The following TMEFF1 variants were observed in gnomAD, a reference collection of about 807,000 sequenced individuals.
TMEFF1 encodes transmembrane protein with EGF like and two follistatin like domains 1.
TMEFF1 carries 20 observed loss-of-function variants against 47.5 expected under a neutral mutation model. That is an observed-to-expected ratio of 0.42 (90% confidence interval 0.30 to 0.61). The LOEUF (loss-of-function observed/expected upper bound fraction) is 0.61, where lower values mean the gene tolerates loss of function less well. Ranked by LOEUF, TMEFF1 falls within the 20% of genes least tolerant of loss-of-function variation. The pLI is 0.19. For missense variants in TMEFF1, 411 were observed against 471.1 expected (o/e 0.87, Z 1.18); for synonymous variants, 162 against 166.3 (o/e 0.97, Z 0.20).
chr9:100,475,242 C>T (rs1270690048), intron 1 of TMEFF1, among the ~76,000 whole-genome samples: 1 of 151,984 alleles, frequency 6.6e-6, no homozygotes. Flanking sequence ...GCCTTTGGCC[C>T]GCTATTTAGG....
At position 100,561,440 on chromosome 9, in the gene TMEFF1, G is replaced by A; in HGVS notation, c.819G>A (p.Met273Ile). 6.2e-7 allele frequency: 1 copy of A among 1,613,862 alleles called. No individual in the cohort carries two copies. Among genetic ancestry groups the A allele is most frequent in the Non-Finnish European group, 8.5e-7 (1 of 1,179,854 alleles). ...QREDVYIGNH[M>I]PCPENLNGYC... is the part of the protein sequence containing the mutation. ...AAGATGTTTATATTGGAAACCACATGCCTTGCCCTGAAAACCTCAATGGTT... is the reference window on the plus strand; with the variant it reads ...AAGATGTTTATATTGGAAACCACATACCTTGCCCTGAAAACCTCAATGGTT... Residue 273 changes from methionine to isoleucine, a missense_variant, in exon 8 of 10, where the codon ATG (methionine) becomes ATA (isoleucine). Physicochemically the swap from Met to Ile is conservative, Grantham distance 10. Transcript: ENST00000374879.
chr9:100,508,902 T>C (rs11793359), intron 2 of TMEFF1, 103 bp from the exon 3 acceptor site: 38,214 of 1,285,816 alleles, frequency 0.03, 643 homozygotes, highest in Middle Eastern at 0.043. Flanking sequence ...GACTATTCAG[T>C]AGCGAAGTAT....
At chr9:100,487,891 A>G (rs1175852951) in intron 1 of TMEFF1, among the ~76,000 whole-genome samples, 1 of 152,058 alleles carries the variant, frequency 6.6e-6, no homozygotes, top group African/African-American at 2.4e-5. Context: ...TTTCTAATGC[A>G]CCAGAATTTT....
Position 100,565,444 on chromosome 9 carries a change from C to T in TMEFF1, c.899+3924C>T, listed in dbSNP as rs568197257. 6.6e-5 allele frequency among the ~76,000 whole-genome samples: 10 copies of T among 152,316 alleles called. No homozygotes were observed. The South Asian group carries it at 1.7e-3, about 25-fold the overall frequency. ...TCCACCCACTGCATACCTATACATG[C>T]AGTTGATCATGGCTGTCGGTGAAAA... On this transcript the variant is annotated intron_variant, in intron 8 of 9. Transcript: ENST00000374879.
At chr9:100,557,934 A>G (rs1838946107) in intron 7 of TMEFF1, among the ~76,000 whole-genome samples, 1 of 151,982 alleles carries the variant, frequency 6.6e-6, no homozygotes, top group South Asian at 2.1e-4. Context: ...CATTGAGCGG[A>G]ATATTAGACT....
chr9:100,477,459 C>T (rs778948314), intron 1 of TMEFF1, among the ~76,000 whole-genome samples: 3 of 152,012 alleles, frequency 2.0e-5, no homozygotes, highest in Non-Finnish European at 2.9e-5. Context: ...TTTAGTAATC[C>T]TGTTAAATAA....
intron 4 of TMEFF1, among the ~76,000 whole-genome samples, chr9:100,515,054 T>C (rs1838039197): frequency 6.6e-6 from 1 of 151,800 alleles, no homozygotes; most frequent in Non-Finnish European, 1.5e-5. Context: ...TAGTCTCAGC[T>C]ACTTTGGAGG....
intron 5 of TMEFF1, among the ~76,000 whole-genome samples, chr9:100,536,414 A>G (rs184592241): frequency 1.3e-5 from 2 of 152,314 alleles, no homozygotes; most frequent in Non-Finnish European, 2.9e-5. Context: ...AACAAAAAAA[A>G]CGAAGAGAAA....
intron 1 of TMEFF1, among the ~76,000 whole-genome samples, chr9:100,484,732 C>T (rs1284043630): frequency 6.6e-6 from 1 of 151,418 alleles, no homozygotes; most frequent in African/African-American, 2.4e-5. Flanking sequence ...CTCTATCCTC[C>T]AGGCTAGAGG....
intron 5 of TMEFF1, among the ~76,000 whole-genome samples, chr9:100,532,807 T>C (rs1838415437): frequency 6.6e-6 from 1 of 152,106 alleles, no homozygotes; most frequent in Non-Finnish European, 1.5e-5. Context: ...ATTGCGTCAT[T>C]ATTCACAATC....
intron 1 of TMEFF1, among the ~76,000 whole-genome samples, chr9:100,490,836 G>GGGGTGT (rs1554682718): frequency 7.3e-6 from 1 of 136,088 alleles, no homozygotes; most frequent in Non-Finnish European, 1.6e-5. Context: ...TTATATGTAT[G>GGGGTGT]GTGTGTGTGT....
At chr9:100,495,050 AT>A (rs1004122875) in intron 1 of TMEFF1, among the ~76,000 whole-genome samples, 2 of 151,004 alleles carry the variant, frequency 1.3e-5, no homozygotes, top group East Asian at 1.9e-4. Flanking sequence ...TTTTTTGTTG[AT>A]TTTTTTTTCG....
intron 5 of TMEFF1, among the ~76,000 whole-genome samples, chr9:100,541,520 C>T (rs1442345380): frequency 6.6e-6 from 1 of 151,590 alleles, no homozygotes; most frequent in Non-Finnish European, 1.5e-5. Context: ...ATTACAGGTG[C>T]CTGCCACTAC....
intron 3 of TMEFF1, among the ~76,000 whole-genome samples, chr9:100,511,606 ACT>A (rs1168844491): frequency 1.3e-5 from 2 of 150,766 alleles, no homozygotes; most frequent in Non-Finnish European, 3.0e-5. Flanking sequence ...TTATTTGAAA[ACT>A]CTTTTTCTTA....
At chr9:100,557,310 C>T (rs1475584464) in intron 7 of TMEFF1, among the ~76,000 whole-genome samples, 2 of 151,942 alleles carry the variant, frequency 1.3e-5, no homozygotes, top group Non-Finnish European at 2.9e-5. Context: ...TAACCACCAG[C>T]TCTAGGCAAC....
In TMEFF1 at chr9:100,531,165, G is replaced by A. The variant is rs955903103; in HGVS notation, c.560+14394G>A. Among the ~76,000 whole-genome samples, 195 of 152,256 alleles carry A rather than the reference G, an allele frequency of 1.3e-3. 4 individuals are homozygous for A. In the East Asian group the frequency reaches 0.032, roughly 25 times the overall value. On this transcript the variant is annotated intron_variant, in intron 5 of 9. Transcript: ENST00000374879. ...AGCAAAAACTGGAAGCATTCCCTTT[G>A]AAAACGGGCACAAGACAGGGATGCC... is the stretch of plus-strand genomic sequence containing the variant.
chr9:100,547,561 T>C (rs1838759492), intron 5 of TMEFF1, among the ~76,000 whole-genome samples, 183 bp from the exon 6 acceptor site: 1 of 152,226 alleles, frequency 6.6e-6, no homozygotes, highest in Non-Finnish European at 1.5e-5. Flanking sequence ...GATGAAATTA[T>C]CTCTAAATCC....
At chr9:100,513,115 G>A (rs1041993849) in intron 3 of TMEFF1, among the ~76,000 whole-genome samples, 192 bp from the exon 4 acceptor site, 3 of 152,046 alleles carry the variant, frequency 2.0e-5, no homozygotes, top group African/African-American at 7.2e-5. Context: ...AGATGATTAT[G>A]TATCTAAGCA....
At chr9:100,552,738 TGTG>T (rs1838847249) in intron 7 of TMEFF1, among the ~76,000 whole-genome samples, 1 of 152,068 alleles carries the variant, frequency 6.6e-6, no homozygotes, top group Admixed American at 6.6e-5. Context: ...TGGTACGCGA[TGTG>T]GTCGCAGCTG....
Sources: gnomAD v4.1 joint callset for allele counts (sites outside exome capture counted in the v4.1 genomes callset) on GRCh38, gnomAD v4.1.1 for gene constraint, MANE v1.5 for transcripts, NCBI Gene and HGNC (gene_info 2026-07-23, HGNC 2026-07-21) for gene names.